The following WDR44 variants were observed in gnomAD, a reference collection of about 807,000 sequenced individuals.
WDR44 encodes the protein WD repeat-containing protein 44.
WDR44 carries 9 observed loss-of-function variants against 65.7 expected under a neutral mutation model. The ratio of observed to expected loss-of-function variants is 0.14; its 90% CI spans 0.08 to 0.24. The LOEUF is 0.24. Among genes scored for constraint, WDR44 ranks in the 10% least tolerant of loss-of-function variants. The pLI, the probability that WDR44 is intolerant of heterozygous loss-of-function variation, is 1.00. For synonymous variants in WDR44, 220 were observed against 235.2 expected (o/e 0.94, Z 0.59); for missense variants, 425 against 670.9 (o/e 0.63, Z 4.05).
At chrX:118,410,846 C>T in intron 11 of WDR44, 49 bp from the exon 12 acceptor site, 1 of 1,044,775 alleles carries the variant, frequency 9.6e-7, no homozygotes, top group Non-Finnish European at 1.3e-6. Flanking sequence ...TTTGGTGGGT[C>T]TGTGTGTGTA....
intron 1 of WDR44, among the ~76,000 whole-genome samples, chrX:118,372,425 T>C (rs2056621439): frequency 8.9e-6 from 1 of 111,834 alleles, no homozygotes; most frequent in African/African-American, 3.3e-5. Flanking sequence ...TATCTCTACT[T>C]TGACATTAGA....
chrX:118,346,642 T>G (rs981960291), intron 1 of WDR44, 62 bp downstream of exon 1: 14 of 924,385 alleles, frequency 1.5e-5, no homozygotes, highest in Non-Finnish European at 2.1e-5. Flanking sequence ...CTCCTGTGTC[T>G]TCCCCCTACA....
In WDR44 at chrX:118,346,478, C is replaced by T. The variant is rs370807217; in HGVS notation, c.-26C>T. On this transcript the variant is annotated 5_prime_UTR_variant, in exon 1 of 20. Transcript: ENST00000254029. ...ACCCTTCCTCCAGGCGGCGCCGGCC[C>T]CCTCACCCGCGGGTGTGTCCTATAA... 1.9e-5 allele frequency: 23 copies of T among 1,197,570 alleles called. No homozygotes were observed. In the African/African-American group the frequency reaches 4.1e-4, roughly 21 times the overall value.
At chrX:118,352,150 TTTTTG>T (rs2056410290) in intron 1 of WDR44, among the ~76,000 whole-genome samples, 1 of 66,307 alleles carries the variant, frequency 1.5e-5, no homozygotes, top group Non-Finnish European at 2.2e-5. Context: ...TGTTTTTTGT[TTTTTG>T]TTTTTTTTTT....
At chrX:118,404,241 A>T (rs2056943768) in intron 8 of WDR44, 97 bp from the exon 9 acceptor site, 4 of 571,895 alleles carry the variant, frequency 7.0e-6, no homozygotes, top group Non-Finnish European at 8.6e-6. Context: ...AGTTATTTCA[A>T]AGTAGTGTAC....
chrX:118,415,194 A>G (rs1006549005), intron 12 of WDR44, among the ~76,000 whole-genome samples: 1 of 107,955 alleles, frequency 9.3e-6, no homozygotes, highest in South Asian at 3.9e-4. Context: ...TGACTTGCAT[A>G]TGTTAAACCA....
chrX:118,419,779 C>CT (rs2057088720), intron 12 of WDR44, among the ~76,000 whole-genome samples: 1 of 111,827 alleles, frequency 8.9e-6, no homozygotes, highest in Admixed American at 9.5e-5. Context: ...TTTACCCACT[C>CT]TGCCAGTTTC....
intron 12 of WDR44, among the ~76,000 whole-genome samples, chrX:118,415,673 TTTGTATTTTTAGTAGAGACGA>T (rs1242122808): frequency 1.8e-5 from 2 of 111,089 alleles, no homozygotes; most frequent in African/African-American, 6.6e-5. Context: ...CCGGCTAGTT[TTTGTATTTTTAGTAGAGACGA>T]GGTTTCAACA....
intron 9 of WDR44, among the ~76,000 whole-genome samples, chrX:118,405,783 A>C (rs2056960852): frequency 8.9e-6 from 1 of 112,203 alleles, no homozygotes; most frequent in South Asian, 3.7e-4. Flanking sequence ...AGAAAAAATA[A>C]TATAACAACT....
intron 3 of WDR44, among the ~76,000 whole-genome samples, chrX:118,392,127 A>G (rs749396062): frequency 8.9e-6 from 1 of 111,917 alleles, no homozygotes; most frequent in East Asian, 2.8e-4. Context: ...TTTGGGTCAT[A>G]AGCTTGAGTT....
intron 12 of WDR44, among the ~76,000 whole-genome samples, chrX:118,422,336 C>T (rs777084820): frequency 9.0e-6 from 1 of 111,016 alleles, no homozygotes; most frequent in East Asian, 2.8e-4. Flanking sequence ...TTTGAGGTTA[C>T]AGTGAGCTGT....
At chrX:118,356,266 C>G (rs1171519241) in intron 1 of WDR44, among the ~76,000 whole-genome samples, 1 of 111,606 alleles carries the variant, frequency 9.0e-6, no homozygotes, top group East Asian at 2.8e-4. Context: ...AGCTGGAATC[C>G]CAGACACTGT....
intron 12 of WDR44, among the ~76,000 whole-genome samples, chrX:118,416,602 A>T (rs2057059278): frequency 9.0e-6 from 1 of 111,563 alleles, no homozygotes; most frequent in Non-Finnish European, 1.9e-5. Context: ...TTTATGGCCT[A>T]TCATATGGTC....
Position 118,404,450 on chromosome X carries a change from T to A in WDR44, c.1381+6T>A. On this transcript the variant is annotated splice_donor_region_variant and intron_variant, in intron 9 of 19. Transcript: ENST00000254029. Reference sequence around the variant, plus strand: ...TAAAAGTGTTAGAGATGAAGGTGAGTTAAAACAGAACATTTCAACTAAACA... The same window carrying A: ...TAAAAGTGTTAGAGATGAAGGTGAGATAAAACAGAACATTTCAACTAAACA... The A allele has an allele frequency of 8.9e-7, 1 of 1,126,047 alleles. No individual in the cohort carries two copies. The highest frequency in any genetic ancestry group is 1.2e-6 in the Non-Finnish European group (1 of 830,649). The allele number at this position is 1,126,047 out of a possible 1,213,427, so 92.8% of individuals were successfully genotyped here. A position where few individuals can be genotyped will look rare whatever the true frequency, so the allele number is the denominator to read the frequency against.
chrX:118,418,872 G>A (rs2057079171), intron 12 of WDR44, among the ~76,000 whole-genome samples: 1 of 110,703 alleles, frequency 9.0e-6, no homozygotes, highest in Admixed American at 9.6e-5. Flanking sequence ...CTGCTGTGGG[G>A]GATGGATGTG....
intron 2 of WDR44, among the ~76,000 whole-genome samples, chrX:118,381,437 C>T (rs1387602020): frequency 9.1e-6 from 1 of 110,218 alleles, no homozygotes; most frequent in Non-Finnish European, 1.9e-5. Context: ...CCACTGTACT[C>T]CACCCTGGAC....
At position 118,347,769 on chromosome X, in the gene WDR44, G is replaced by C. The variant is rs758199069; in HGVS notation, c.77+1189G>C. Among the ~76,000 whole-genome samples the C allele has an allele frequency of 2.7e-5, 3 of 112,470 alleles. No individual in the cohort carries two copies. The East Asian group carries it at 8.4e-4, about 31-fold the overall frequency. On this transcript the variant is annotated intron_variant, in intron 1 of 19. Transcript: ENST00000254029. ...GTAATAAAATCAGAAAGCAATGTACGTTGGTAGATTTCAGATGTTTGTCTT... is the reference window on the plus strand; with the variant it reads ...GTAATAAAATCAGAAAGCAATGTACCTTGGTAGATTTCAGATGTTTGTCTT...
chrX:118,439,795 A>T (rs1286547718), intron 14 of WDR44, among the ~76,000 whole-genome samples: 3 of 106,167 alleles, frequency 2.8e-5, no homozygotes, highest in Admixed American at 1.0e-4. Flanking sequence ...GGGCAGGGGG[A>T]TTTGGGGTGG....
chrX:118,369,736 G>C (rs889348353), intron 1 of WDR44, among the ~76,000 whole-genome samples: 4 of 111,658 alleles, frequency 3.6e-5, no homozygotes, highest in African/African-American at 9.8e-5. Context: ...CAAAGTGCTG[G>C]GATTACAGGT....
Sources: gnomAD v4.1 joint callset for allele counts (sites outside exome capture counted in the v4.1 genomes callset) on GRCh38, gnomAD v4.1.1 for gene constraint, MANE v1.5 for transcripts, NCBI Gene and HGNC (gene_info 2026-07-23, HGNC 2026-07-21) for gene names.